The following RPS6KC1 variants were observed in gnomAD, a reference collection of about 807,000 sequenced individuals.
The protein encoded by RPS6KC1 is inactive ribosomal protein S6 kinase delta-1.
RPS6KC1 carries 54 observed loss-of-function variants against 103.8 expected under a neutral mutation model. The observed-to-expected ratio is 0.52, with a 90% confidence interval of 0.42 to 0.65. The LOEUF (loss-of-function observed/expected upper bound fraction) is 0.65, where lower values mean the gene tolerates loss of function less well. Among genes scored for constraint, RPS6KC1 ranks in the 30% least tolerant of loss-of-function variants. The probability of loss-of-function intolerance (pLI) is 0.00; values close to 1 mark genes in which losing one functional copy is unlikely to be tolerated. For missense variants in RPS6KC1, 1,151 were observed against 1,253.8 expected (o/e 0.92, Z 1.24); for synonymous variants, 439 against 438.7 (o/e 1.00, Z -0.01).
intron 6 of RPS6KC1, among the ~76,000 whole-genome samples, chr1:213,140,274 T>C (rs2086855595): frequency 6.6e-6 from 1 of 152,022 alleles, no homozygotes; most frequent in Non-Finnish European, 1.5e-5. Context: ...AGGTATAGTA[T>C]CTTGCGAAGA....
the RPS6KC1 span, among the ~76,000 whole-genome samples, chr1:213,633,594 A>G: frequency 6.6e-6 from 1 of 152,112 alleles, no homozygotes; most frequent in African/African-American, 2.4e-5. Context: ...CTGCAAAAGC[A>G]TGCCAAAATG....
At chr1:213,760,659 G>C in the RPS6KC1 span, among the ~76,000 whole-genome samples, 1 of 152,182 alleles carries the variant, frequency 6.6e-6, no homozygotes, top group East Asian at 1.9e-4. Flanking sequence ...AATCAGTTTT[G>C]TGGATAATGG....
rs141541042 is a variant in RPS6KC1, at chr1:213,167,489, C to CACACACACACACACACACAA, written c.836-368_836-367insCACACACACACACACACAAA. Reference sequence around the variant, plus strand: ...ACACACACACACACACACACACACACAACAGCTGTTGCATTTGGTCCTATT... The same window carrying CACACACACACACACACACAA: ...ACACACACACACACACACACACACACACACACACACACACACACAAAACAGCTGTTGCATTTGGTCCTATT... On this transcript the variant is annotated intron_variant, in intron 6 of 14. Coordinates refer to ENST00000366960, the MANE Select transcript of RPS6KC1 (RefSeq NM_012424.6). 1.3e-4 allele frequency among the ~76,000 whole-genome samples: 17 copies of CACACACACACACACACACAA among 126,130 alleles called. 1 individual carries two copies. Among genetic ancestry groups the CACACACACACACACACACAA allele is most frequent in the African/African-American group, 5.3e-4 (14 of 26,202 alleles). The allele number at this position is 126,130 out of a possible 152,430, so 82.7% of individuals were successfully genotyped here. A position where few individuals can be genotyped will look rare whatever the true frequency, so the allele number is the denominator to read the frequency against.
chr1:213,415,436 C>G, the RPS6KC1 span, among the ~76,000 whole-genome samples: 1 of 152,230 alleles, frequency 6.6e-6, no homozygotes, highest in Non-Finnish European at 1.5e-5. Context: ...GGACTCGGTT[C>G]TGCTTTGAGT....
intron 12 of RPS6KC1, among the ~76,000 whole-genome samples, chr1:213,255,209 C>T (rs1309504377): frequency 6.6e-6 from 1 of 151,530 alleles, no homozygotes; most frequent in African/African-American, 2.4e-5. Flanking sequence ...GCCTGTGGTC[C>T]CAGCTACTTA....
chr1:213,221,586 A>C (rs2093833346), intron 8 of RPS6KC1, among the ~76,000 whole-genome samples: 1 of 152,220 alleles, frequency 6.6e-6, no homozygotes, highest in African/African-American at 2.4e-5. Flanking sequence ...TCACTGCTGA[A>C]ATATCTTTTA....
chr1:213,099,941 C>A (rs183689743), intron 3 of RPS6KC1, among the ~76,000 whole-genome samples: 26 of 152,274 alleles, frequency 1.7e-4, no homozygotes, highest in African/African-American at 6.0e-4. Context: ...CTACAATAAA[C>A]ATCTTTATAT....
intron 6 of RPS6KC1, among the ~76,000 whole-genome samples, chr1:213,155,303 C>T (rs1340641989): frequency 6.6e-6 from 1 of 152,226 alleles, no homozygotes; most frequent in East Asian, 1.9e-4. Flanking sequence ...TGTCTCTGGG[C>T]CTAGTTCAGT....
intron 10 of RPS6KC1, among the ~76,000 whole-genome samples, chr1:213,234,016 T>C (rs114148040): frequency 1.4e-3 from 182 of 133,172 alleles, no homozygotes; most frequent in Non-Finnish European, 1.9e-3. Flanking sequence ...CTCTCTCTCT[T>C]TTTTTTTTTT....
At chr1:213,230,835 CAAAAAAAAAA>C (rs760471422) in intron 9 of RPS6KC1, among the ~76,000 whole-genome samples, 1 of 54,690 alleles carries the variant, frequency 1.8e-5, no homozygotes, top group East Asian at 5.8e-4. Context: ...GACCCTGTCT[CAAAAAAAAAA>C]AAAAAAAAAA....
At chr1:213,311,165 G>A in the RPS6KC1 span, among the ~76,000 whole-genome samples, 1 of 150,288 alleles carries the variant, frequency 6.7e-6, no homozygotes, top group Non-Finnish European at 1.5e-5. Context: ...TTGAGACGGA[G>A]TCTCGCTCTG....
chr1:213,562,367 T>G, the RPS6KC1 span, among the ~76,000 whole-genome samples: 1 of 9,056 alleles, frequency 1.1e-4, no homozygotes, highest in East Asian at 9.4e-3. Context: ...CTGTTTTTTT[T>G]TTTTTTTTTT....
rs1323678821 is a variant in RPS6KC1, at chr1:213,272,575, G to A, written c.3142G>A (p.Glu1048Lys). ...ACTTGGTGCTGGAGTTGCTGGTGTT[G>A]AAGATATCAAATCTCATCCATTTTT... ...ERLGAGVAGV[E>K]DIKSHPFFTP... The change falls in exon 15 of 15, where the codon GAA becomes AAA. Residue 1048 changes from glutamate to lysine, a missense_variant. Coordinates refer to ENST00000366960, the MANE Select transcript of RPS6KC1 (RefSeq NM_012424.6). 6.2e-7 allele frequency: 1 copy of A among 1,614,004 alleles called. No individual in the cohort carries two copies.
At chr1:213,362,172 G>A in the RPS6KC1 span, among the ~76,000 whole-genome samples, 8 of 152,210 alleles carry the variant, frequency 5.3e-5, no homozygotes, top group African/African-American at 1.7e-4. Context: ...CAGAGAAGAG[G>A]ATGGAGTTGG....
chr1:213,271,122 T>A (rs78098825), intron 14 of RPS6KC1, among the ~76,000 whole-genome samples: 1 of 152,202 alleles, frequency 6.6e-6, no homozygotes, highest in Non-Finnish European at 1.5e-5. Flanking sequence ...CACAAAGACA[T>A]GTACATGAAC....
chr1:213,777,797 C>A, the RPS6KC1 span, among the ~76,000 whole-genome samples: 1 of 152,164 alleles, frequency 6.6e-6, no homozygotes, highest in Non-Finnish European at 1.5e-5. Flanking sequence ...GTCATCTATT[C>A]AGAATTGAGT....
chr1:213,392,696 C>T, the RPS6KC1 span, among the ~76,000 whole-genome samples: 2 of 152,206 alleles, frequency 1.3e-5, no homozygotes, highest in Non-Finnish European at 2.9e-5. Context: ...TGATTAAATG[C>T]TTGACTATGT....
intron 2 of RPS6KC1, among the ~76,000 whole-genome samples, chr1:213,075,186 C>T (rs1317937556): frequency 6.6e-6 from 1 of 152,012 alleles, no homozygotes; most frequent in East Asian, 1.9e-4. Flanking sequence ...CTAATTGTTT[C>T]CATGAGCTAC....
chr1:213,122,705 C>T (rs1440839468), intron 5 of RPS6KC1, among the ~76,000 whole-genome samples: 1 of 152,010 alleles, frequency 6.6e-6, no homozygotes, highest in Non-Finnish European at 1.5e-5. Flanking sequence ...TTTTTCTAGG[C>T]CCTTTGGTGT....
Sources: gnomAD v4.1 joint callset for allele counts (sites outside exome capture counted in the v4.1 genomes callset) on GRCh38, gnomAD v4.1.1 for gene constraint, MANE v1.5 for transcripts, NCBI Gene and HGNC (gene_info 2026-07-23, HGNC 2026-07-21) for gene names.